MPDZ: variants seen among roughly 807,000 people sequenced by gnomAD.
MPDZ encodes the protein multiple PDZ domain protein.
A neutral mutation model predicts 239.1 loss-of-function variants in MPDZ; 234 were observed. The observed-to-expected ratio is 0.98, with a 90% CI of 0.88 to 1.09. The LOEUF is 1.09. MPDZ is among the 50% of genes least tolerant of loss of function. The pLI, the probability that MPDZ is intolerant of heterozygous loss-of-function variation, is 0.00. For missense variants in MPDZ, 3,175 were observed against 2,510.0 expected (o/e 1.26, Z -5.66); for synonymous variants, 1,048 against 881.3 (o/e 1.19, Z -3.35).
rs1587721893 is a variant in MPDZ at position 13,198,713 on chromosome 9, T to C, written c.1547-2483A>G. On this transcript the variant is annotated intron_variant, in intron 12 of 46. Coordinates refer to ENST00000319217, the MANE Select transcript of MPDZ (RefSeq NM_001378778.1). ...TTCCTAACGTTTCCTTCAGTTCTTA[T>C]ATTTAGGTCTTTAATCTCTCTCTCT... 4.1e-5 allele frequency among the ~76,000 whole-genome samples: 4 copies of C among 98,454 alleles called. No homozygotes were observed. The Admixed American group carries it at 4.6e-4, about 11-fold the overall frequency. 64.6% of individuals were successfully genotyped at this position (98,454 alleles called of 152,430 possible). A position where few individuals can be genotyped will look rare whatever the true frequency, so the allele number is the denominator to read the frequency against.
intron 12 of MPDZ, among the ~76,000 whole-genome samples, chr9:13,198,593 T>G (rs1955944540): frequency 1.3e-5 from 2 of 152,068 alleles, no homozygotes; most frequent in Non-Finnish European, 1.5e-5. Context: ...TAGCTTGATG[T>G]GATCCCATTT....
chr9:13,164,200 A>G (rs940993513), intron 22 of MPDZ, among the ~76,000 whole-genome samples: 2 of 152,206 alleles, frequency 1.3e-5, no homozygotes, highest in Non-Finnish European at 2.9e-5. Context: ...GAATCAAAGT[A>G]CAGATCAATG....
intron 23 of MPDZ, among the ~76,000 whole-genome samples, chr9:13,162,384 C>G (rs1300009649): frequency 2.0e-5 from 3 of 151,786 alleles, no homozygotes; most frequent in Admixed American, 6.6e-5. Context: ...TTCTTACGTT[C>G]TAAGAAATTA....
intron 1 of MPDZ, chr9:13,278,922 C>G (rs1385800438): frequency 6.6e-6 from 1 of 152,202 alleles, no homozygotes; most frequent in Non-Finnish European, 1.5e-5. Flanking sequence ...CTCCCGCGCC[C>G]TGGAGGCCTG....
chr9:13,145,904 A>T (rs192766008), intron 26 of MPDZ, among the ~76,000 whole-genome samples: 8 of 152,150 alleles, frequency 5.3e-5, no homozygotes, highest in Admixed American at 1.3e-4. Context: ...AAATGATGTA[A>T]AAATTGTAAA....
intron 10 of MPDZ, among the ~76,000 whole-genome samples, chr9:13,207,650 A>G (rs1240057169): frequency 6.6e-6 from 1 of 152,094 alleles, no homozygotes; most frequent in African/African-American, 2.4e-5. Flanking sequence ...GCCCCCTTTT[A>G]CCCATTCTTC....
At chr9:13,246,085 A>G (rs1966525212) in intron 3 of MPDZ, among the ~76,000 whole-genome samples, 1 of 152,210 alleles carries the variant, frequency 6.6e-6, no homozygotes, top group African/African-American at 2.4e-5. Context: ...TTTCCACAAC[A>G]TAATTATGCT....
chr9:13,222,566 T>C, intron 5 of MPDZ, 120 bp from the exon 6 acceptor site: 1 of 783,772 alleles, frequency 1.3e-6, no homozygotes, highest in Non-Finnish European at 2.1e-6. Context: ...CACTCTAAGC[T>C]TTTTCCTGCA....
intron 23 of MPDZ, among the ~76,000 whole-genome samples, chr9:13,160,030 G>C (rs1435461306): frequency 6.6e-6 from 1 of 152,176 alleles, no homozygotes; most frequent in Non-Finnish European, 1.5e-5. Context: ...GTAACTGGCA[G>C]AAAGTCACAT....
intron 39 of MPDZ, among the ~76,000 whole-genome samples, chr9:13,116,049 T>C (rs1397592418): frequency 6.6e-6 from 1 of 151,132 alleles, no homozygotes; most frequent in South Asian, 2.1e-4. Flanking sequence ...ACTTAGATAA[T>C]TGGGTAAATT....
At chr9:13,249,611 T>C (rs1314188804) in intron 2 of MPDZ, among the ~76,000 whole-genome samples, 2 of 151,858 alleles carry the variant, frequency 1.3e-5, no homozygotes, top group Non-Finnish European at 2.9e-5. Flanking sequence ...GGTGCCAGAG[T>C]GAAATCCAAA....
intron 1 of MPDZ, among the ~76,000 whole-genome samples, chr9:13,269,625 A>C (rs2139193067): frequency 6.6e-6 from 1 of 152,322 alleles, no homozygotes; most frequent in South Asian, 2.1e-4. Flanking sequence ...CATACAAACA[A>C]GAAAAAAATA....
chr9:13,186,220 A>G, intron 18 of MPDZ, 50 bp downstream of exon 18: 1 of 1,019,250 alleles, frequency 9.8e-7, no homozygotes, highest in Non-Finnish European at 1.4e-6. Flanking sequence ...AAGGCAAAGT[A>G]AGACATATCA....
At chr9:13,174,485 T>C (rs1182521289) in intron 21 of MPDZ, among the ~76,000 whole-genome samples, 2 of 152,184 alleles carry the variant, frequency 1.3e-5, no homozygotes, top group African/African-American at 2.4e-5. Context: ...AATGCTACAT[T>C]TGATAATCTC....
intron 1 of MPDZ, among the ~76,000 whole-genome samples, chr9:13,275,460 G>A (rs983494157): frequency 6.6e-6 from 1 of 152,154 alleles, no homozygotes; most frequent in African/African-American, 2.4e-5. Flanking sequence ...AGAACTGTGA[G>A]GAAATAAATT....
chr9:13,223,684 G>C lies in MPDZ; in HGVS notation c.420C>G (p.Leu140=). 6.2e-7 allele frequency: 1 copy of C among 1,608,818 alleles called. No homozygotes were observed. Among genetic ancestry groups the C allele is most frequent in the Non-Finnish European group, 8.5e-7 (1 of 1,177,378 alleles). ...CAAGGCCTCCAGATGGAGGTTTGAG[G>C]AGCTCAAAAACTTCTACATGGCGAC... ...AQGRHVEVFE[L]LKPPSGGLGF... is the part of the protein sequence containing the mutation. The change falls in exon 5 of 47, where the codon CTC becomes CTG. Residue 140 remains leucine, a synonymous_variant. Coordinates refer to ENST00000319217, the MANE Select transcript of MPDZ (RefSeq NM_001378778.1).
chr9:13,233,807 TCATTCACCAGA>T (rs1460011798), intron 3 of MPDZ, among the ~76,000 whole-genome samples: 1 of 152,124 alleles, frequency 6.6e-6, no homozygotes, highest in East Asian at 1.9e-4. Flanking sequence ...AATTTAAAGT[TCATTCACCAGA>T]CATTCACCTT....
At chr9:13,188,677 C>G in intron 17 of MPDZ, 107 bp downstream of exon 17, 1 of 878,318 alleles carries the variant, frequency 1.1e-6, no homozygotes, top group Admixed American at 2.4e-5. Flanking sequence ...TTGATGAAAA[C>G]TACTAAAAGT....
intron 13 of MPDZ, among the ~76,000 whole-genome samples, chr9:13,195,012 G>C (rs1483557975): frequency 6.6e-6 from 1 of 152,054 alleles, no homozygotes; most frequent in Non-Finnish European, 1.5e-5. Context: ...TTATAGCAAG[G>C]TGCAGTGGTG....
Sources: gnomAD v4.1 joint callset for allele counts (sites outside exome capture counted in the v4.1 genomes callset) on GRCh38, gnomAD v4.1.1 for gene constraint, MANE v1.5 for transcripts, NCBI Gene and HGNC (gene_info 2026-07-23, HGNC 2026-07-21) for gene names.